The following FGF12 variants were observed in gnomAD, a reference collection of about 807,000 sequenced individuals.
FGF12 encodes the protein fibroblast growth factor 12.
Under a neutral mutation model 23.6 loss-of-function variants are expected in FGF12, and 14 were observed. That is an observed-to-expected ratio of 0.59 (90% CI 0.39 to 0.93). The LOEUF (loss-of-function observed/expected upper bound fraction) is 0.93. Ranked by LOEUF, FGF12 falls within the 40% of genes least tolerant of loss-of-function variation. The probability of loss-of-function intolerance (pLI) is 0.00; values close to 1 mark genes in which losing one functional copy is unlikely to be tolerated. For synonymous variants in FGF12, 62 were observed against 77.3 expected (o/e 0.80, Z 1.04); for missense variants, 175 against 217.8 (o/e 0.80, Z 1.24).
chr3:192,484,738 G>A (rs1723581729), intron 2 of FGF12, among the ~76,000 whole-genome samples: 1 of 152,110 alleles, frequency 6.6e-6, no homozygotes, highest in South Asian at 2.1e-4. Context: ...GGCCCAAAGG[G>A]CACTATTTCC....
intron 2 of FGF12, among the ~76,000 whole-genome samples, chr3:192,631,227 A>G (rs1353692130): frequency 6.6e-6 from 1 of 151,966 alleles, no homozygotes; most frequent in East Asian, 1.9e-4. Context: ...TTCCCCTTTC[A>G]TAGAGAAGAG....
At chr3:192,241,137 C>T (rs1012598763) in intron 4 of FGF12, among the ~76,000 whole-genome samples, 6 of 152,112 alleles carry the variant, frequency 3.9e-5, no homozygotes, top group African/African-American at 1.4e-4. Flanking sequence ...AATACTATTC[C>T]CATGAGTTCT....
chr3:192,162,361 C>T (rs1328902682), intron 5 of FGF12, among the ~76,000 whole-genome samples: 3 of 151,804 alleles, frequency 2.0e-5, no homozygotes, highest in South Asian at 2.1e-4. Context: ...ACAACTATAA[C>T]GTTGTGAACA....
At chr3:192,714,610 C>T (rs1471610152) in intron 2 of FGF12, among the ~76,000 whole-genome samples, 3 of 150,428 alleles carry the variant, frequency 2.0e-5, no homozygotes, top group Admixed American at 6.6e-5. Flanking sequence ...GCTCCGCCTC[C>T]CGGGTTCACG....
chr3:192,496,043 C>G (rs1179730038), intron 2 of FGF12, among the ~76,000 whole-genome samples: 1 of 152,156 alleles, frequency 6.6e-6, no homozygotes, highest in Non-Finnish European at 1.5e-5. Context: ...GAGCTAGACT[C>G]TTATGTAAAT....
At chr3:192,370,352 A>C (rs1181144772) in intron 2 of FGF12, among the ~76,000 whole-genome samples, 2 of 152,162 alleles carry the variant, frequency 1.3e-5, no homozygotes, top group African/African-American at 4.8e-5. Flanking sequence ...CAAAATAGGA[A>C]TTTTAAAATG....
chr3:192,628,510 A>AGTAT (rs1553841179), intron 2 of FGF12, among the ~76,000 whole-genome samples: 3,344 of 56,402 alleles, frequency 0.059, 55 homozygotes, highest in Middle Eastern at 0.17. Flanking sequence ...TATATATATT[A>AGTAT]GTGTGTGTGT....
chr3:192,573,897 T>C (rs1264679242), intron 2 of FGF12, among the ~76,000 whole-genome samples: 1 of 152,228 alleles, frequency 6.6e-6, no homozygotes, highest in Non-Finnish European at 1.5e-5. Context: ...TCATTTAGTC[T>C]TCATTTAAGT....
At chr3:192,586,414 A>G (rs546603326) in intron 2 of FGF12, among the ~76,000 whole-genome samples, 2 of 152,318 alleles carry the variant, frequency 1.3e-5, no homozygotes, top group East Asian at 3.9e-4. Context: ...AATAATATCC[A>G]TCTCATTGGT....
chr3:192,280,937 TTC>T (rs1368683325), intron 4 of FGF12, among the ~76,000 whole-genome samples: 2 of 152,162 alleles, frequency 1.3e-5, no homozygotes, highest in Non-Finnish European at 2.9e-5. Flanking sequence ...TTCTTGAAAA[TTC>T]TGTTTCATTA....
At chr3:192,694,952 G>A (rs1300137682) in intron 2 of FGF12, among the ~76,000 whole-genome samples, 1 of 152,012 alleles carries the variant, frequency 6.6e-6, no homozygotes, top group Non-Finnish European at 1.5e-5. Flanking sequence ...CTAGTGTACA[G>A]CATAAGGACT....
At chr3:192,710,908 G>T (rs1018027216) in intron 2 of FGF12, among the ~76,000 whole-genome samples, 1 of 152,166 alleles carries the variant, frequency 6.6e-6, no homozygotes, top group Non-Finnish European at 1.5e-5. Flanking sequence ...CAAGAGAATG[G>T]AAGAGTCTTC....
At chr3:192,561,077 C>G (rs564198676) in intron 2 of FGF12, among the ~76,000 whole-genome samples, 55 of 152,190 alleles carry the variant, frequency 3.6e-4, no homozygotes, top group Non-Finnish European at 6.8e-4. Flanking sequence ...CTCCATTTAT[C>G]TGATATGCCC....
chr3:192,173,028 G>C (rs1715654844), intron 4 of FGF12, among the ~76,000 whole-genome samples: 2 of 150,806 alleles, frequency 1.3e-5, no homozygotes, highest in African/African-American at 4.8e-5. Context: ...TAAGTGCAAG[G>C]AGCCAGATAT....
intron 4 of FGF12, among the ~76,000 whole-genome samples, chr3:192,258,130 T>C (rs760046844): frequency 3.3e-5 from 5 of 151,798 alleles, no homozygotes; most frequent in Admixed American, 6.6e-5. Context: ...AAATTTTGCA[T>C]GAGGAAAAAT....
intron 4 of FGF12, among the ~76,000 whole-genome samples, chr3:192,225,998 G>A (rs1362177638): frequency 6.6e-6 from 1 of 152,068 alleles, no homozygotes; most frequent in Non-Finnish European, 1.5e-5. Context: ...ATTTATTTTG[G>A]GGGTGATGAA....
chr3:192,479,364 T>C (rs1242890474), intron 2 of FGF12, among the ~76,000 whole-genome samples: 1 of 152,192 alleles, frequency 6.6e-6, no homozygotes, highest in Non-Finnish European at 1.5e-5. Context: ...AGGCTCCATC[T>C]GAGTCAGGTG....
chr3:192,648,096 T>G (rs1399040574), intron 2 of FGF12, among the ~76,000 whole-genome samples: 1 of 152,072 alleles, frequency 6.6e-6, no homozygotes, highest in East Asian at 1.9e-4. Flanking sequence ...GGTGGCATAT[T>G]CAGTTTTATA....
At position 192,255,033 on chromosome 3, in the gene FGF12, C is replaced by T. The variant is rs76409332; in HGVS notation, c.228+80328G>A. Among the ~76,000 whole-genome samples the T allele has an allele frequency of 3.3e-3, 503 of 152,090 alleles. 9 individuals are homozygous for T. The South Asian group carries it at 0.046, about 14-fold the overall frequency. The stretch of plus-strand genomic sequence containing the variant: ...GAAGAGTATTAACTTAGGAGGCACA[C>T]TGATCAGGGTATGAATTGTGATTCC... On this transcript the variant is annotated intron_variant, in intron 4 of 5. Coordinates refer to ENST00000445105, the MANE Select transcript of FGF12 (RefSeq NM_004113.6).
Sources: gnomAD v4.1 joint callset for allele counts (sites outside exome capture counted in the v4.1 genomes callset) on GRCh38, gnomAD v4.1.1 for gene constraint, MANE v1.5 for transcripts, NCBI Gene and HGNC (gene_info 2026-07-23, HGNC 2026-07-21) for gene names.